The following SYT14 variants were observed in gnomAD, a reference collection of about 807,000 sequenced individuals.
SYT14 encodes the protein synaptotagmin-14.
SYT14 carries 32 observed loss-of-function variants against 74.2 expected under a neutral mutation model. The ratio of observed to expected loss-of-function variants is 0.43; its 90% confidence interval spans 0.33 to 0.58. SYT14 has a LOEUF of 0.58. Ranked by LOEUF, SYT14 falls within the 20% of genes least tolerant of loss-of-function variation. The probability of loss-of-function intolerance (pLI) is 0.05; values close to 1 mark genes in which losing one functional copy is unlikely to be tolerated. For missense variants in SYT14, 791 were observed against 981.8 expected (o/e 0.81, Z 2.60); for synonymous variants, 298 against 337.7 (o/e 0.88, Z 1.29).
intron 2 of SYT14, among the ~76,000 whole-genome samples, chr1:209,973,354 C>T (rs535167689): frequency 2.6e-5 from 4 of 152,220 alleles, no homozygotes; most frequent in African/African-American, 9.6e-5. Context: ...AATGCTATCC[C>T]TCCCCTCTCC....
At chr1:210,002,228 G>T (rs2079914119) in intron 2 of SYT14, among the ~76,000 whole-genome samples, 1 of 152,238 alleles carries the variant, frequency 6.6e-6, no homozygotes, top group African/African-American at 2.4e-5. Flanking sequence ...AGGTAGAGAA[G>T]TAGAATGCCG....
chr1:209,991,883 T>C (rs933113926), intron 2 of SYT14, among the ~76,000 whole-genome samples: 5 of 149,502 alleles, frequency 3.3e-5, no homozygotes, highest in African/African-American at 4.9e-5. Flanking sequence ...TGCAGAGAAA[T>C]GGAAACATAC....
chr1:210,170,911 A>C (rs1239111546), exon 10 of SYT14: 1 of 152,202 alleles, frequency 6.6e-6, no homozygotes, highest in Non-Finnish European at 1.5e-5. Context: ...GCAAACATTT[A>C]AAAATATTCT....
chr1:210,156,843 C>G (rs1036141838), intron 8 of SYT14: 1 of 384,108 alleles, frequency 2.6e-6, no homozygotes. Context: ...CAGGCACCCA[C>G]CACCACACCT....
Position 210,155,926 on chromosome 1 carries a change from T to A in SYT14, c.2224+16T>A. The A allele has an allele frequency of 6.2e-7, 1 of 1,612,796 alleles. No individual in the cohort carries two copies. The highest frequency in any genetic ancestry group is 8.5e-7 in the Non-Finnish European group (1 of 1,179,002). Reference sequence around the variant, plus strand: ...AGACCACCCAGTGAGTGAAAAATAATTTTTTTAATTCTAATGTTTTCTGCA... The same window carrying A: ...AGACCACCCAGTGAGTGAAAAATAAATTTTTTAATTCTAATGTTTTCTGCA... On this transcript the variant is annotated intron_variant, in intron 8 of 9. Transcript: ENST00000637265.
chr1:210,163,618 G>T (rs577874090), exon 10 of SYT14: 1 of 453,286 alleles, frequency 2.2e-6, no homozygotes, highest in East Asian at 7.0e-5. Context: ...ATTATATTTG[G>T]TTTGGGTTGC....
intron 5 of SYT14, among the ~76,000 whole-genome samples, chr1:210,055,504 C>T (rs1340692689): frequency 7.3e-5 from 11 of 151,346 alleles, no homozygotes; most frequent in Admixed American, 7.2e-4. Flanking sequence ...TGTTTTTTTT[C>T]CTATTAGAAT....
At chr1:210,025,870 A>G (rs982884537) in intron 5 of SYT14, among the ~76,000 whole-genome samples, 1 of 152,202 alleles carries the variant, frequency 6.6e-6, no homozygotes, top group Non-Finnish European at 1.5e-5. Flanking sequence ...ATACTTGTCA[A>G]GTTGACAGCG....
chr1:210,037,640 T>C (rs1346909831), intron 5 of SYT14, among the ~76,000 whole-genome samples: 8 of 151,944 alleles, frequency 5.3e-5, no homozygotes, highest in Non-Finnish European at 8.8e-5. Context: ...TGTATCTCCA[T>C]TTTCATTCAT....
At chr1:209,994,972 A>G (rs564991364) in intron 2 of SYT14, among the ~76,000 whole-genome samples, 7 of 152,344 alleles carry the variant, frequency 4.6e-5, no homozygotes, top group African/African-American at 1.4e-4. Flanking sequence ...TAGACCAGCC[A>G]TATAAGAAGT....
intron 7 of SYT14, among the ~76,000 whole-genome samples, chr1:210,101,109 A>C (rs1393486858): frequency 2.0e-5 from 3 of 152,132 alleles, no homozygotes; most frequent in Middle Eastern, 3.2e-3. Context: ...CTCTGTCTTC[A>C]TATTTTTAAC....
chr1:210,162,995 G>GATAT (rs1323620451), exon 10 of SYT14: 1 of 453,066 alleles, frequency 2.2e-6, no homozygotes, highest in Middle Eastern at 6.9e-4. Context: ...TCATTTAAGT[G>GATAT]TTTTCAGCAA....
chr1:210,112,594 A>G (rs965665210), intron 7 of SYT14, among the ~76,000 whole-genome samples: 6 of 151,340 alleles, frequency 4.0e-5, no homozygotes, highest in Non-Finnish European at 8.8e-5. Flanking sequence ...GAGGGACGGA[A>G]GTTGGAAGCT....
intron 5 of SYT14, among the ~76,000 whole-genome samples, chr1:210,084,344 C>T (rs956764069): frequency 4.6e-5 from 7 of 152,188 alleles, no homozygotes; most frequent in Admixed American, 3.3e-4. Flanking sequence ...AATATAAATT[C>T]TCTTTGACTT....
At chr1:210,144,546 C>T (rs1306380606) in intron 7 of SYT14, among the ~76,000 whole-genome samples, 1 of 151,788 alleles carries the variant, frequency 6.6e-6, no homozygotes, top group Non-Finnish European at 1.5e-5. Context: ...TCGTATTGTT[C>T]TTATTTTAAT....
At chr1:210,133,775 GGTT>G (rs2082724732) in intron 7 of SYT14, among the ~76,000 whole-genome samples, 1 of 151,428 alleles carries the variant, frequency 6.6e-6, no homozygotes, top group Admixed American at 6.6e-5. Context: ...GCAACTGTCT[GGTT>G]GTTTATTTTT....
chr1:210,120,139 CT>C (rs141940091), intron 7 of SYT14, among the ~76,000 whole-genome samples: 13 of 149,646 alleles, frequency 8.7e-5, no homozygotes, highest in Admixed American at 2.0e-4. Context: ...TACTAAATTA[CT>C]TTTTTTTTTC....
At chr1:210,071,981 T>C (rs2081403468) in intron 5 of SYT14, among the ~76,000 whole-genome samples, 1 of 151,912 alleles carries the variant, frequency 6.6e-6, no homozygotes, top group South Asian at 2.1e-4. Context: ...TCAAGTTTAC[T>C]TTCAGATTCA....
At chr1:210,073,313 T>C (rs1438481414) in intron 5 of SYT14, among the ~76,000 whole-genome samples, 1 of 152,042 alleles carries the variant, frequency 6.6e-6, no homozygotes, top group Non-Finnish European at 1.5e-5. Context: ...CAAAGCATTT[T>C]AGCTGAATTA....
Sources: gnomAD v4.1 joint callset for allele counts (sites outside exome capture counted in the v4.1 genomes callset) on GRCh38, gnomAD v4.1.1 for gene constraint, MANE v1.5 for transcripts, NCBI Gene and HGNC (gene_info 2026-07-23, HGNC 2026-07-21) for gene names.